The following COL4A3 variants were observed in gnomAD, a reference collection of about 807,000 sequenced individuals.
COL4A3 encodes the protein collagen type IV alpha 3 chain.
In COL4A3, 135 loss-of-function variants were observed where a neutral mutation model predicts 217.4. The ratio of observed to expected loss-of-function variants is 0.62; its 90% CI spans 0.54 to 0.72. The LOEUF (loss-of-function observed/expected upper bound fraction) is 0.72. Ranked by LOEUF, COL4A3 falls within the 30% of genes least tolerant of loss-of-function variation. The pLI is 0.00. For synonymous variants in COL4A3, 690 were observed against 736.3 expected (o/e 0.94, Z 1.02); for missense variants, 1,868 against 2,119.9 (o/e 0.88, Z 2.33).
chr2:227,280,319 AG>A (rs1289483268), intron 29 of COL4A3, 120 bp from the exon 30 acceptor site: 1 of 1,107,258 alleles, frequency 9.0e-7, no homozygotes, highest in Non-Finnish European at 1.3e-6. Context: ...GAGCTCAAAA[AG>A]GAAAGTTGAT....
chr2:227,244,883 T>A, intron 4 of COL4A3, 68 bp from the exon 5 acceptor site: 6 of 1,458,046 alleles, frequency 4.1e-6, no homozygotes, highest in Non-Finnish European at 5.8e-6. Context: ...AATAAATTTA[T>A]GTTTATAGAT....
chr2:227,254,784 G>A, intron 15 of COL4A3, 69 bp downstream of exon 15: 1 of 1,120,872 alleles, frequency 8.9e-7, no homozygotes, highest in South Asian at 1.2e-5. Flanking sequence ...TAGGTTACAG[G>A]AACAAGATGC....
intron 1 of COL4A3, among the ~76,000 whole-genome samples, chr2:227,194,814 CT>C (rs1320424511): frequency 6.6e-6 from 1 of 152,008 alleles, no homozygotes; most frequent in Non-Finnish European, 1.5e-5. Context: ...AAAATACTAG[CT>C]CTTCTAATCA....
intron 5 of COL4A3, among the ~76,000 whole-genome samples, chr2:227,245,276 T>G (rs2069263297): frequency 6.6e-6 from 1 of 151,072 alleles, no homozygotes; most frequent in South Asian, 2.1e-4. Context: ...CATCCATGGA[T>G]TCAACCAACC....
intron 1 of COL4A3, among the ~76,000 whole-genome samples, chr2:227,182,301 C>T (rs1261653566): frequency 6.6e-6 from 1 of 152,206 alleles, no homozygotes; most frequent in Non-Finnish European, 1.5e-5. Context: ...CTCACGACAG[C>T]TATGAATCTG....
At chr2:227,298,953 C>A in intron 43 of COL4A3, 141 bp downstream of exon 43, 3 of 824,374 alleles carry the variant, frequency 3.6e-6, no homozygotes, top group Non-Finnish European at 5.5e-6. Flanking sequence ...ATACCCGAGA[C>A]TGGGTAATTT....
chr2:227,180,402 G>T (rs148411355), intron 1 of COL4A3, among the ~76,000 whole-genome samples: 1 of 152,154 alleles, frequency 6.6e-6, no homozygotes, highest in Non-Finnish European at 1.5e-5. Context: ...CCACGAAACC[G>T]TTCAGAGCTT....
At chr2:227,222,122 C>CTAATAA (rs367763401) in intron 1 of COL4A3, among the ~76,000 whole-genome samples, 3,632 of 105,194 alleles carry the variant, frequency 0.035, 67 homozygotes, top group African/African-American at 0.067. Context: ...GACACTGTCT[C>CTAATAA]TAATAATAAT....
At chr2:227,168,245 T>C (rs900640987) in intron 1 of COL4A3, among the ~76,000 whole-genome samples, 4 of 152,210 alleles carry the variant, frequency 2.6e-5, no homozygotes, top group African/African-American at 9.6e-5. Context: ...GAAAACAAAT[T>C]TAAATATATT....
intron 1 of COL4A3, among the ~76,000 whole-genome samples, chr2:227,209,165 G>T (rs2067217831): frequency 6.6e-6 from 1 of 152,218 alleles, no homozygotes; most frequent in African/African-American, 2.4e-5. Context: ...GTTAATTCCT[G>T]TTCCAAACAG....
chr2:227,177,222 C>T (rs139103315), intron 1 of COL4A3, among the ~76,000 whole-genome samples: 3,568 of 150,758 alleles, frequency 0.024, 104 homozygotes, highest in Admixed American at 0.066. Context: ...CCATCTAGGC[C>T]CACTGCAAGC....
At chr2:227,218,774 A>C (rs1169066639) in intron 1 of COL4A3, among the ~76,000 whole-genome samples, 1 of 152,218 alleles carries the variant, frequency 6.6e-6, no homozygotes, top group African/African-American at 2.4e-5. Context: ...TCTGATGCTT[A>C]ACGTTTAGAA....
intron 1 of COL4A3, among the ~76,000 whole-genome samples, chr2:227,232,323 C>T (rs1428839246): frequency 1.3e-5 from 2 of 152,226 alleles, no homozygotes; most frequent in Non-Finnish European, 1.5e-5. Flanking sequence ...AACAGTGCTA[C>T]AACAAACATG....
Position 227,295,324 on chromosome 2 carries a change from G to C in COL4A3, c.3565+8G>C. ...GGAACCCTGGTGCTCAAGGTAAGCAGTTCTTCTTCCCTGTCCTAATGTACA... is the reference window on the plus strand; with the variant it reads ...GGAACCCTGGTGCTCAAGGTAAGCACTTCTTCTTCCCTGTCCTAATGTACA... On this transcript the variant is annotated splice_region_variant and intron_variant, in intron 41 of 51. Coordinates refer to ENST00000396578, the MANE Select transcript of COL4A3 (RefSeq NM_000091.5). 2 of 1,613,654 alleles carry C rather than the reference G, an allele frequency of 1.2e-6. No individual in the cohort carries two copies. The highest frequency in any genetic ancestry group is 1.7e-6 in the Non-Finnish European group (2 of 1,179,552).
chr2:227,214,444 G>A (rs1388547011), intron 1 of COL4A3, among the ~76,000 whole-genome samples: 2 of 152,118 alleles, frequency 1.3e-5, no homozygotes, highest in African/African-American at 4.8e-5. Flanking sequence ...TGATTTAAAC[G>A]TGTTGTTTGT....
chr2:227,256,756 C>T (rs1315487079), intron 17 of COL4A3, among the ~76,000 whole-genome samples: 1 of 152,190 alleles, frequency 6.6e-6, no homozygotes, highest in Non-Finnish European at 1.5e-5. Flanking sequence ...AGTCATGATA[C>T]ATTGAAAGGT....
At chr2:227,199,943 T>C (rs1432885739) in intron 1 of COL4A3, among the ~76,000 whole-genome samples, 2 of 152,254 alleles carry the variant, frequency 1.3e-5, no homozygotes, top group African/African-American at 4.8e-5. Context: ...ATAAATTATA[T>C]TGCATGTTTA....
chr2:227,174,024 A>G (rs1211829218), intron 1 of COL4A3, among the ~76,000 whole-genome samples: 1 of 152,238 alleles, frequency 6.6e-6, no homozygotes, highest in Admixed American at 6.5e-5. Flanking sequence ...ATTTACCATA[A>G]GAAATAAATA....
chr2:227,272,679 T>C (rs113298134), intron 25 of COL4A3, among the ~76,000 whole-genome samples: 1 of 152,234 alleles, frequency 6.6e-6, no homozygotes, highest in Non-Finnish European at 1.5e-5. Flanking sequence ...TTAGTGGCTA[T>C]TACCATATGG....
Sources: gnomAD v4.1 joint callset for allele counts (sites outside exome capture counted in the v4.1 genomes callset) on GRCh38, gnomAD v4.1.1 for gene constraint, MANE v1.5 for transcripts, NCBI Gene and HGNC (gene_info 2026-07-23, HGNC 2026-07-21) for gene names.